Variants in TBC1D32 observed in about 807,000 individuals in gnomAD.
The protein encoded by TBC1D32 is protein broad-minded.
A neutral mutation model predicts 170.3 loss-of-function variants in TBC1D32; 151 were observed. The ratio of observed to expected loss-of-function variants is 0.89; its 90% CI spans 0.78 to 1.01. The LOEUF (loss-of-function observed/expected upper bound fraction) is 1.01. Among genes scored for constraint, TBC1D32 ranks in the 50% least tolerant of loss-of-function variants. The pLI is 0.00. For synonymous variants in TBC1D32, 498 were observed against 488.0 expected, an observed-to-expected ratio of 1.02 and a Z score of -0.27; for missense variants, 1,464 against 1,457.1, an observed-to-expected ratio of 1.00 and a Z score of -0.08.
chr6:121,324,349 T>C (rs1242695186), intron 1 of TBC1D32, among the ~76,000 whole-genome samples: 1 of 152,182 alleles, frequency 6.6e-6, no homozygotes, highest in Non-Finnish European at 1.5e-5. Context: ...TTTACTTAAA[T>C]ATTTTAATTA....
chr6:121,253,613 G>A (rs1335319519), intron 17 of TBC1D32, among the ~76,000 whole-genome samples: 2 of 152,106 alleles, frequency 1.3e-5, no homozygotes, highest in Admixed American at 1.3e-4. Flanking sequence ...CAGCTCCTCA[G>A]GAGGCTGAGG....
chr6:121,205,933 C>T (rs1792196902), intron 21 of TBC1D32, among the ~76,000 whole-genome samples: 1 of 152,046 alleles, frequency 6.6e-6, no homozygotes, highest in South Asian at 2.1e-4. Context: ...CTTTCTTGGC[C>T]AGGTGTGGTC....
chr6:121,317,835 G>A, intron 2 of TBC1D32, 163 bp from the exon 3 acceptor site: 1 of 488,630 alleles, frequency 2.0e-6, no homozygotes. Context: ...AGAAGTGGTA[G>A]AACAGAATTC....
At chr6:121,229,163 CTACA>C (rs935048212) in intron 20 of TBC1D32, among the ~76,000 whole-genome samples, 4 of 152,034 alleles carry the variant, frequency 2.6e-5, no homozygotes, top group African/African-American at 9.7e-5. Flanking sequence ...TTCTCTGTGC[CTACA>C]ATTACCTCGC....
intron 4 of TBC1D32, among the ~76,000 whole-genome samples, chr6:121,308,923 A>T (rs1489283989): frequency 1.3e-5 from 2 of 152,162 alleles, no homozygotes; most frequent in African/African-American, 4.8e-5. Flanking sequence ...AGTCGTGAAT[A>T]ATAACACACT....
chr6:121,130,380 G>A (rs951799633), intron 25 of TBC1D32, among the ~76,000 whole-genome samples: 1 of 152,110 alleles, frequency 6.6e-6, no homozygotes, highest in Non-Finnish European at 1.5e-5. Context: ...TACTCAGGAG[G>A]CTGAAGCAGG....
intron 31 of TBC1D32, among the ~76,000 whole-genome samples, chr6:121,085,297 A>G (rs1371095369): frequency 6.9e-6 from 1 of 145,328 alleles, no homozygotes; most frequent in South Asian, 2.1e-4. Context: ...ACATATATAC[A>G]TACATATATA....
At chr6:121,080,939 A>G (rs777332054) in intron 31 of TBC1D32, 49 bp from the exon 32 acceptor site, 1 of 1,585,450 alleles carries the variant, frequency 6.3e-7, no homozygotes, top group East Asian at 2.2e-5. Flanking sequence ...AAGACACACA[A>G]TTCCAAGTTA....
At chr6:121,196,380 C>T (rs992517543) in intron 22 of TBC1D32, among the ~76,000 whole-genome samples, 3 of 152,180 alleles carry the variant, frequency 2.0e-5, no homozygotes, top group East Asian at 1.9e-4. Context: ...GATATGGCAC[C>T]GTTCCTTGGA....
chr6:121,211,373 T>C (rs147978678), intron 21 of TBC1D32, among the ~76,000 whole-genome samples: 31 of 152,202 alleles, frequency 2.0e-4, no homozygotes, highest in African/African-American at 6.7e-4. Context: ...ACCAGGGAAA[T>C]GAAATCCCTG....
intron 15 of TBC1D32, among the ~76,000 whole-genome samples, chr6:121,259,124 T>G (rs151205260): frequency 0.033 from 4,985 of 151,636 alleles, 193 homozygotes; most frequent in East Asian, 0.12. Flanking sequence ...ATGGCGAAAC[T>G]CCATCTCTAC....
At chr6:121,333,997 G>A (rs1297633296) in intron 1 of TBC1D32, among the ~76,000 whole-genome samples, 1 of 152,174 alleles carries the variant, frequency 6.6e-6, no homozygotes, top group Non-Finnish European at 1.5e-5. Flanking sequence ...AACCCGGGAG[G>A]CGGAGGTTGT....
In TBC1D32 at chr6:121,170,317, A is replaced by G. The variant is rs1178156867; in HGVS notation, c.2571-9261T>C. On this transcript the variant is annotated intron_variant, in intron 22 of 31. Transcript: ENST00000398212. ...GATTGAATTTAGAAAGCAGAAAAAC[A>G]TTAAACAAGCTATATCAAAAATTAC... 4.7e-6 allele frequency: 6 copies of G among 1,290,262 alleles called. No homozygotes were observed. In the Admixed American group the frequency reaches 8.9e-5, roughly 19 times the overall value. 79.9% of individuals were successfully genotyped at this position (1,290,262 alleles called of 1,614,324 possible).
intron 21 of TBC1D32, among the ~76,000 whole-genome samples, chr6:121,212,450 CT>C (rs3076854): frequency 0.45 from 45,682 of 101,126 alleles, 8,103 homozygotes; most frequent in Non-Finnish European, 0.53. Context: ...GTCAATATCT[CT>C]TTTTTTTTTT....
chr6:121,251,800 T>C (rs951101484), intron 17 of TBC1D32, among the ~76,000 whole-genome samples: 2 of 152,188 alleles, frequency 1.3e-5, no homozygotes, highest in Non-Finnish European at 2.9e-5. Context: ...TTTTGCCATC[T>C]ATCCATCTGA....
chr6:121,254,473 T>C (rs114481116), intron 17 of TBC1D32, among the ~76,000 whole-genome samples: 1,804 of 152,176 alleles, frequency 0.012, 46 homozygotes, highest in African/African-American at 0.042. Flanking sequence ...AAATAAACTA[T>C]AGAAATGCAT....
Position 121,136,901 on chromosome 6 carries a change from C to T in TBC1D32, c.2774-5149G>A, listed in dbSNP as rs150868607. On this transcript the variant is annotated intron_variant, in intron 24 of 31. Coordinates refer to ENST00000398212, the MANE Select transcript of TBC1D32 (RefSeq NM_152730.6). ...GTGATTGAAATTAAGCATACTAGTACGTTACTAAAATATGAGCAGTTATAG... is the reference window on the plus strand; with the variant it reads ...GTGATTGAAATTAAGCATACTAGTATGTTACTAAAATATGAGCAGTTATAG... 2.5e-3 allele frequency among the ~76,000 whole-genome samples: 375 copies of T among 152,060 alleles called. 1 individual carries two copies. The highest frequency in any genetic ancestry group is 8.4e-3 in the African/African-American group (347 of 41,496).
intron 20 of TBC1D32, among the ~76,000 whole-genome samples, chr6:121,223,744 T>C (rs1316833343): frequency 6.6e-6 from 1 of 152,160 alleles, no homozygotes; most frequent in African/African-American, 2.4e-5. Context: ...ATAAATTCTA[T>C]ATATTTTTGC....
chr6:121,276,512 GAACACAAAAA>G (rs2128437636), intron 15 of TBC1D32, among the ~76,000 whole-genome samples: 1 of 151,100 alleles, frequency 6.6e-6, no homozygotes, highest in Non-Finnish European at 1.5e-5. Context: ...AAAAAGAGTA[GAACACAAAAA>G]AAGGGCAAAA....
Sources: gnomAD v4.1 joint callset for allele counts (sites outside exome capture counted in the v4.1 genomes callset) on GRCh38, gnomAD v4.1.1 for gene constraint, MANE v1.5 for transcripts, NCBI Gene and HGNC (gene_info 2026-07-23, HGNC 2026-07-21) for gene names.